Variants in UNC5C observed in about 807,000 individuals in gnomAD.
UNC5C encodes netrin receptor UNC5C.
In UNC5C, 47 loss-of-function variants were observed where a neutral mutation model predicts 99.8. The observed-to-expected ratio is 0.47, with a 90% CI of 0.37 to 0.60. The LOEUF (loss-of-function observed/expected upper bound fraction) is 0.60. UNC5C is among the 20% of genes least tolerant of loss of function. The pLI is 0.00. For synonymous variants in UNC5C, 487 were observed against 452.2 expected (o/e 1.08, Z -0.98); for missense variants, 1,062 against 1,165.9 (o/e 0.91, Z 1.30).
intron 1 of UNC5C, among the ~76,000 whole-genome samples, chr4:95,388,725 T>C (rs535516243): frequency 8.5e-5 from 13 of 152,274 alleles, no homozygotes; most frequent in Middle Eastern, 3.4e-3. Flanking sequence ...AATAACTTCA[T>C]TGAGTAGGTC....
rs1188926679 is a variant in UNC5C at position 95,169,002 on chromosome 4, A to G, written c.*232T>C. 3.9e-6 allele frequency: 2 copies of G among 517,790 alleles called. No homozygotes were observed. The highest frequency in any genetic ancestry group is 3.1e-5 in the East Asian group (1 of 32,086). The allele number at this position is 517,790 out of a possible 1,614,324, so 32.1% of individuals were successfully genotyped here. A position where few individuals can be genotyped will look rare whatever the true frequency, so the allele number is the denominator to read the frequency against. ...CAACTAAGAGGAAAATTAGGTTGAT[A>G]GCTAAATTCAAGGTACAAATTTACA... is the stretch of plus-strand genomic sequence containing the variant. On this transcript the variant is annotated 3_prime_UTR_variant, in exon 16 of 16. Coordinates refer to ENST00000453304, the MANE Select transcript of UNC5C (RefSeq NM_003728.4).
At chr4:95,376,081 T>A (rs990438462) in intron 1 of UNC5C, among the ~76,000 whole-genome samples, 19 of 151,756 alleles carry the variant, frequency 1.3e-4, no homozygotes, top group African/African-American at 2.9e-4. Context: ...CAAACAAAAA[T>A]ATATATATAT....
Position 95,163,379 on chromosome 4 carries a change from C to G in UNC5C, c.*5855G>C, listed in dbSNP as rs953339312. On this transcript the variant is annotated 3_prime_UTR_variant, in exon 16 of 16. Transcript: ENST00000453304. ...CATTGAGAACCTATGTAGCTCAGGTCCCCATTCTCTGATGCTGCCTCCATA... is the reference window on the plus strand; with the variant it reads ...CATTGAGAACCTATGTAGCTCAGGTGCCCATTCTCTGATGCTGCCTCCATA... The G allele has an allele frequency of 1.3e-5, 2 of 152,206 alleles. No individual in the cohort carries two copies. The highest frequency in any genetic ancestry group is 2.9e-5 in the Non-Finnish European group (2 of 68,050). 9.4% of individuals were successfully genotyped at this position (152,206 alleles called of 1,614,324 possible).
At chr4:95,349,614 C>T (rs1743911683) in intron 1 of UNC5C, among the ~76,000 whole-genome samples, 1 of 151,706 alleles carries the variant, frequency 6.6e-6, no homozygotes, top group South Asian at 2.1e-4. Context: ...AATATTCCCA[C>T]ATGCAACCTA....
At position 95,333,018 on chromosome 4, in the gene UNC5C, G is replaced by C. The variant is rs549756474; in HGVS notation, c.346+2392C>G. ...GAGAAATGCAAATCAAAACCACAATGAGATACCATCCCACACCAGTTAGAA... is the reference window on the plus strand; with the variant it reads ...GAGAAATGCAAATCAAAACCACAATCAGATACCATCCCACACCAGTTAGAA... On this transcript the variant is annotated intron_variant, in intron 2 of 15. Transcript: ENST00000453304. 1.4e-3 allele frequency among the ~76,000 whole-genome samples: 220 copies of C among 152,280 alleles called. 1 individual carries two copies. Among genetic ancestry groups the C allele is most frequent in the African/African-American group, 5.1e-3 (211 of 41,560 alleles).
At chr4:95,456,063 T>C (rs565592620) in intron 1 of UNC5C, among the ~76,000 whole-genome samples, 114 of 152,192 alleles carry the variant, frequency 7.5e-4, no homozygotes, top group African/African-American at 2.6e-3. Flanking sequence ...AGGGACTTTG[T>C]TCCATGTGAA....
At chr4:95,511,363 G>A (rs1223435473) in intron 1 of UNC5C, among the ~76,000 whole-genome samples, 4 of 152,038 alleles carry the variant, frequency 2.6e-5, no homozygotes, top group African/African-American at 7.2e-5. Context: ...GTTTTCTGAC[G>A]TCAACATTTT....
chr4:95,331,428 C>T lies in UNC5C; in HGVS notation c.346+3982G>A, dbSNP rs1405497088. ...TATAGAGGTTGTACTAATGTACATT[C>T]CCACCAAGTTTTTCAAAACTTTAAA... is the stretch of plus-strand genomic sequence containing the variant. On this transcript the variant is annotated intron_variant, in intron 2 of 15. Coordinates refer to ENST00000453304, the MANE Select transcript of UNC5C (RefSeq NM_003728.4). Among the ~76,000 whole-genome samples the T allele has an allele frequency of 2.6e-5, 4 of 152,076 alleles. No homozygotes were observed. In the South Asian group the frequency reaches 8.3e-4, roughly 31 times the overall value.
intron 4 of UNC5C, among the ~76,000 whole-genome samples, chr4:95,250,913 C>G (rs531185169): frequency 6.6e-6 from 1 of 152,184 alleles, no homozygotes; most frequent in Non-Finnish European, 1.5e-5. Context: ...CTACATTATT[C>G]TCAAATGTCA....
intron 12 of UNC5C, among the ~76,000 whole-genome samples, chr4:95,187,348 T>G (rs2149352677): frequency 6.6e-6 from 1 of 152,340 alleles, no homozygotes; most frequent in East Asian, 1.9e-4. Context: ...ATCTGATTAC[T>G]ATAGATCTTC....
intron 1 of UNC5C, among the ~76,000 whole-genome samples, chr4:95,361,459 A>G (rs533987243): frequency 3.9e-5 from 6 of 152,318 alleles, no homozygotes; most frequent in African/African-American, 1.4e-4. Flanking sequence ...AAACTAAGTT[A>G]AAATAAAATG....
intron 14 of UNC5C, among the ~76,000 whole-genome samples, chr4:95,177,144 G>A (rs1283487546): frequency 6.6e-6 from 1 of 152,174 alleles, no homozygotes; most frequent in South Asian, 2.1e-4. Flanking sequence ...CCACTGTCTG[G>A]CACTCCCTAG....
At chr4:95,331,564 C>T (rs1418151226) in intron 2 of UNC5C, among the ~76,000 whole-genome samples, 3 of 152,034 alleles carry the variant, frequency 2.0e-5, no homozygotes, top group African/African-American at 4.8e-5. Flanking sequence ...GTATATTACT[C>T]CATTCCTGAA....
chr4:95,234,619 C>G (rs1560745820), intron 7 of UNC5C, among the ~76,000 whole-genome samples: 1 of 152,132 alleles, frequency 6.6e-6, no homozygotes, highest in Non-Finnish European at 1.5e-5. Context: ...TTATTTCTGG[C>G]ACCTTAAGTG....
At chr4:95,514,425 A>T (rs1311601048) in intron 1 of UNC5C, among the ~76,000 whole-genome samples, 1 of 151,916 alleles carries the variant, frequency 6.6e-6, no homozygotes, top group Non-Finnish European at 1.5e-5. Flanking sequence ...ATTGGCCTTA[A>T]TTCTTTGAAC....
At chr4:95,530,753 C>T (rs1722619431) in intron 1 of UNC5C, among the ~76,000 whole-genome samples, 1 of 152,014 alleles carries the variant, frequency 6.6e-6, no homozygotes, top group Non-Finnish European at 1.5e-5. Context: ...TATTATTCTT[C>T]ATAAGTTGTA....
chr4:95,195,811 A>G (rs967935820), intron 12 of UNC5C, among the ~76,000 whole-genome samples: 1 of 151,926 alleles, frequency 6.6e-6, no homozygotes, highest in African/African-American at 2.4e-5. Context: ...TTCACATAAT[A>G]CAAGCTTTCA....
chr4:95,343,615 G>GGA (rs920479580), intron 1 of UNC5C, among the ~76,000 whole-genome samples: 6 of 151,952 alleles, frequency 3.9e-5, no homozygotes, highest in Non-Finnish European at 2.9e-5. Flanking sequence ...GGCCAATGCT[G>GGA]GAGAGAGAGA....
At chr4:95,395,158 T>C (rs1745475820) in intron 1 of UNC5C, among the ~76,000 whole-genome samples, 1 of 152,184 alleles carries the variant, frequency 6.6e-6, no homozygotes, top group Non-Finnish European at 1.5e-5. Context: ...TGGGCCCATA[T>C]TATGGATAGT....
Sources: allele counts gnomAD v4.1 joint callset (sites outside exome capture counted in the v4.1 genomes callset), GRCh38; gene constraint gnomAD v4.1.1; transcripts MANE v1.5; gene names NCBI Gene and HGNC (gene_info 2026-07-23, HGNC 2026-07-21).